DAPK1: variants seen among roughly 807,000 people sequenced by gnomAD.
DAPK1 encodes the protein death-associated protein kinase 1.
A neutral mutation model predicts 144.9 loss-of-function variants in DAPK1; 56 were observed. The observed-to-expected ratio is 0.39, with a 90% CI of 0.31 to 0.48. The LOEUF (loss-of-function observed/expected upper bound fraction) is 0.48. Among genes scored for constraint, DAPK1 ranks in the 20% least tolerant of loss-of-function variants. The pLI is 0.95. For missense variants in DAPK1, 1,454 were observed against 1,875.4 expected (o/e 0.78, Z 4.15); for synonymous variants, 690 against 749.0 (o/e 0.92, Z 1.29).
At chr9:87,528,258 C>T (rs1455574722) in intron 2 of DAPK1, among the ~76,000 whole-genome samples, 1 of 151,250 alleles carries the variant, frequency 6.6e-6, no homozygotes, top group Non-Finnish European at 1.5e-5. Context: ...TCTCTTGTTG[C>T]CCAGGCTGGA....
intron 3 of DAPK1, among the ~76,000 whole-genome samples, chr9:87,608,037 G>A (rs752398465): frequency 3.9e-5 from 6 of 152,156 alleles, no homozygotes; most frequent in Non-Finnish European, 5.9e-5. Flanking sequence ...AGAGAAGGGG[G>A]AAGTGCTACA....
chr9:87,514,853 TAAG>T (rs1824984868), intron 2 of DAPK1, among the ~76,000 whole-genome samples: 1 of 152,210 alleles, frequency 6.6e-6, no homozygotes, highest in South Asian at 2.1e-4. Context: ...GTGACTGCAT[TAAG>T]AAGAAAATAC....
intron 2 of DAPK1, among the ~76,000 whole-genome samples, chr9:87,503,909 A>G (rs1434834060): frequency 2.0e-5 from 3 of 152,218 alleles, no homozygotes; most frequent in Non-Finnish European, 4.4e-5. Flanking sequence ...TAATAATTCA[A>G]GTTTAAAACA....
intron 2 of DAPK1, among the ~76,000 whole-genome samples, chr9:87,604,230 A>T (rs778115345): frequency 6.6e-6 from 1 of 152,102 alleles, no homozygotes; most frequent in Admixed American, 6.5e-5. Flanking sequence ...GTGTCTCTGC[A>T]TCCTCTGAAG....
chr9:87,533,797 G>A (rs1047696507), intron 2 of DAPK1, among the ~76,000 whole-genome samples: 1 of 152,168 alleles, frequency 6.6e-6, no homozygotes, highest in African/African-American at 2.4e-5. Flanking sequence ...CGAATATCTG[G>A]GATTACAGGC....
intron 2 of DAPK1, among the ~76,000 whole-genome samples, chr9:87,511,259 G>A (rs536005734): frequency 2.6e-5 from 4 of 152,194 alleles, no homozygotes; most frequent in South Asian, 2.1e-4. Flanking sequence ...TTTATGTGCC[G>A]AGCTCTCTTG....
chr9:87,624,186 G>A (rs1445456326), intron 3 of DAPK1, among the ~76,000 whole-genome samples: 1 of 152,190 alleles, frequency 6.6e-6, no homozygotes, highest in Non-Finnish European at 1.5e-5. Flanking sequence ...CCTGGGGCTA[G>A]AGGATTCCCT....
chr9:87,591,963 G>A (rs919960202), intron 2 of DAPK1, among the ~76,000 whole-genome samples: 1 of 152,206 alleles, frequency 6.6e-6, no homozygotes, highest in African/African-American at 2.4e-5. Context: ...GGTGATACAC[G>A]TGTAACTAGA....
chr9:87,655,807 G>A (rs1288819723), intron 17 of DAPK1, among the ~76,000 whole-genome samples: 1 of 152,190 alleles, frequency 6.6e-6, no homozygotes, highest in Non-Finnish European at 1.5e-5. Flanking sequence ...CCCTCTTTAA[G>A]TCGGTGCTTC....
At chr9:87,566,351 G>A (rs574428748) in intron 2 of DAPK1, among the ~76,000 whole-genome samples, 1 of 152,060 alleles carries the variant, frequency 6.6e-6, no homozygotes, top group African/African-American at 2.4e-5. Context: ...TCTTGGAACT[G>A]CATCTCAGCT....
intron 8 of DAPK1, 86 bp downstream of exon 8, chr9:87,640,536 C>A: frequency 7.0e-7 from 1 of 1,421,168 alleles, no homozygotes. Flanking sequence ...GGGCCACGTT[C>A]CTCAGACCCT....
At chr9:87,616,943 A>C (rs1829119194) in intron 3 of DAPK1, among the ~76,000 whole-genome samples, 1 of 152,200 alleles carries the variant, frequency 6.6e-6, no homozygotes, top group Non-Finnish European at 1.5e-5. Flanking sequence ...CCAGAAGTGG[A>C]TGTAGGAGAT....
chr9:87,560,735 C>T (rs1826883164), intron 2 of DAPK1, among the ~76,000 whole-genome samples: 1 of 150,990 alleles, frequency 6.6e-6, no homozygotes, highest in Non-Finnish European at 1.5e-5. Context: ...GCATGATCTC[C>T]ACTCACTGTA....
intron 19 of DAPK1, chr9:87,668,933 T>C: frequency 2.4e-6 from 1 of 417,804 alleles, no homozygotes; most frequent in African/African-American, 2.0e-5. Flanking sequence ...CCACTCTCTC[T>C]ATAATAAACC....
At chr9:87,633,360 G>C in intron 3 of DAPK1, 1 of 985,112 alleles carries the variant, frequency 1.0e-6, no homozygotes, top group Non-Finnish European at 1.2e-6. Flanking sequence ...GTATGGGTGA[G>C]GGGGGATGGA....
At chr9:87,524,024 C>T (rs568711190) in intron 2 of DAPK1, among the ~76,000 whole-genome samples, 1 of 152,350 alleles carries the variant, frequency 6.6e-6, no homozygotes, top group Admixed American at 6.5e-5. Context: ...GAAAGATGGT[C>T]TGCAGTATCT....
chr9:87,647,909 A>G (rs36213348), intron 14 of DAPK1, among the ~76,000 whole-genome samples: 3,611 of 152,324 alleles, frequency 0.024, 131 homozygotes, highest in African/African-American at 0.075. Flanking sequence ...CCTTGTTTTC[A>G]TATGTGTGTG....
At position 87,542,576 on chromosome 9, in the gene DAPK1, G is replaced by A. The variant is rs533018309; in HGVS notation, c.62+43437G>A. Among the ~76,000 whole-genome samples, 3 of 152,304 alleles carry A rather than the reference G, an allele frequency of 2.0e-5. No homozygotes were observed. In the East Asian group the frequency reaches 5.8e-4, roughly 29 times the overall value. ...GGTCTCTGCTTTGTAAGAGAAATCA[G>A]TATTTACCAAGTACCTATGGTACTG... On this transcript the variant is annotated intron_variant, in intron 2 of 25. Transcript: ENST00000408954.
At chr9:87,682,068 G>C (rs560014891) in intron 20 of DAPK1, among the ~76,000 whole-genome samples, 1 of 152,280 alleles carries the variant, frequency 6.6e-6, no homozygotes, top group African/African-American at 2.4e-5. Flanking sequence ...TCTTTCTGGA[G>C]TGCTACAGGC....
Sources: gnomAD v4.1 joint callset for allele counts (sites outside exome capture counted in the v4.1 genomes callset) on GRCh38, gnomAD v4.1.1 for gene constraint, MANE v1.5 for transcripts, NCBI Gene and HGNC (gene_info 2026-07-23, HGNC 2026-07-21) for gene names.